Variants in TANK observed in about 807,000 individuals in gnomAD.
TANK encodes TRAF family member-associated NF-kappa-B activator.
In TANK, 15 loss-of-function variants were observed where a neutral mutation model predicts 43.6. The observed-to-expected ratio is 0.34, with a 90% CI of 0.23 to 0.53. The LOEUF is 0.53. TANK is among the 20% of genes least tolerant of loss of function. The probability of loss-of-function intolerance (pLI) is 0.94; values close to 1 mark genes in which losing one functional copy is unlikely to be tolerated. For synonymous variants in TANK, 162 were observed against 178.2 expected (o/e 0.91, Z 0.73); for missense variants, 417 against 498.6 (o/e 0.84, Z 1.56).
intron 4 of TANK, among the ~76,000 whole-genome samples, chr2:161,221,907 A>G (rs1419978416): frequency 6.6e-6 from 1 of 152,140 alleles, no homozygotes; most frequent in African/African-American, 2.4e-5. Context: ...CTTAGTTTAG[A>G]TACGTCATAG....
intron 1 of TANK, among the ~76,000 whole-genome samples, chr2:161,173,742 CTG>C (rs1685056273): frequency 6.6e-6 from 1 of 152,084 alleles, no homozygotes; most frequent in Non-Finnish European, 1.5e-5. Context: ...AAGACCATGA[CTG>C]TTTTTCACTT....
Position 161,207,041 on chromosome 2 carries a change from T to C in TANK, c.327+2248T>C, listed in dbSNP as rs549971314. On this transcript the variant is annotated intron_variant, in intron 4 of 7. Coordinates refer to ENST00000392749, the MANE Select transcript of TANK (RefSeq NM_001199135.3). ...TTTTGTTTTTTTTAATTTGGATAAT[T>C]TGTTATTTATGCAAGTTTTAGAGTT... 1.8e-3 allele frequency among the ~76,000 whole-genome samples: 278 copies of C among 152,184 alleles called. 1 individual carries two copies. The highest frequency in any genetic ancestry group is 6.4e-3 in the African/African-American group (265 of 41,560).
At chr2:161,232,601 G>A in intron 7 of TANK, 1 of 1,059,100 alleles carries the variant, frequency 9.4e-7, no homozygotes, top group South Asian at 2.3e-5. Flanking sequence ...CTCAGTTATA[G>A]TTGCTACTAA....
At position 161,207,643 on chromosome 2, in the gene TANK, C is replaced by T. The variant is rs1686708245; in HGVS notation, c.327+2850C>T. On this transcript the variant is annotated intron_variant, in intron 4 of 7. Coordinates refer to ENST00000392749, the MANE Select transcript of TANK (RefSeq NM_001199135.3). ...GCCTATGTTAGAAAAAATACTGGCC[C>T]ATCAAGCAATGGAAATTAAAATATG... The T allele has an allele frequency of 4.1e-6, 4 of 985,248 alleles. No individual in the cohort carries two copies. The South Asian group carries it at 1.4e-4, about 35-fold the overall frequency. The allele number at this position is 985,248 out of a possible 1,614,324, so 61.0% of individuals were successfully genotyped here.
intron 1 of TANK, among the ~76,000 whole-genome samples, chr2:161,174,243 A>G (rs376385361): frequency 2.6e-5 from 4 of 151,914 alleles, no homozygotes; most frequent in African/African-American, 7.3e-5. Flanking sequence ...TAAAGGCTGT[A>G]TTTTTTTTCA....
intron 2 of TANK, among the ~76,000 whole-genome samples, chr2:161,198,420 C>G (rs1686253236): frequency 6.6e-6 from 1 of 152,196 alleles, no homozygotes; most frequent in African/African-American, 2.4e-5. Context: ...AGTTGCATGC[C>G]TTTGGGTCTC....
chr2:161,183,959 G>A (rs571141427), intron 2 of TANK, among the ~76,000 whole-genome samples: 11 of 152,082 alleles, frequency 7.2e-5, no homozygotes, highest in Non-Finnish European at 1.5e-4. Flanking sequence ...GATCAGTATA[G>A]GATAATACAT....
At chr2:161,211,775 A>G (rs1303811303) in intron 4 of TANK, 12 of 985,238 alleles carry the variant, frequency 1.2e-5, no homozygotes, top group East Asian at 1.1e-4. Context: ...GCACAGGCCA[A>G]TGTAGGCTGG....
At chr2:161,165,601 C>A (rs1684642524) in intron 1 of TANK, among the ~76,000 whole-genome samples, 1 of 152,174 alleles carries the variant, frequency 6.6e-6, no homozygotes, top group Admixed American at 6.5e-5. Flanking sequence ...GATTGTAATA[C>A]ATGTTCCTTC....
At chr2:161,140,672 A>G (rs1683720588) in intron 1 of TANK, among the ~76,000 whole-genome samples, 1 of 152,106 alleles carries the variant, frequency 6.6e-6, no homozygotes, top group East Asian at 1.9e-4. Flanking sequence ...TTTTATAATG[A>G]AAATATTTAA....
intron 4 of TANK, chr2:161,216,536 A>G (rs1687124272): frequency 5.4e-6 from 2 of 370,570 alleles, no homozygotes; most frequent in Non-Finnish European, 1.1e-5. Context: ...CCCCTTTGAC[A>G]TGAAGAATAT....
rs772812260 is a variant in TANK at position 161,222,615 on chromosome 2, CTG to C, written c.328-1297_328-1296del. On this transcript the variant is annotated intron_variant, in intron 4 of 7. Transcript: ENST00000392749. ...CTTGTCTACCACTTTTAAAAACAAA[CTG>C]TGAATGTGAAAATATCTTCTGATGT... Among the ~76,000 whole-genome samples the C allele has an allele frequency of 2.4e-4, 37 of 152,134 alleles. No homozygotes were observed. In the East Asian group the frequency reaches 6.9e-3, roughly 29 times the overall value.
chr2:161,168,922 A>G (rs1422460108), intron 1 of TANK, among the ~76,000 whole-genome samples: 3 of 152,204 alleles, frequency 2.0e-5, no homozygotes, highest in Non-Finnish European at 2.9e-5. Context: ...TCTGAGGAAA[A>G]ATTACTTCCA....
chr2:161,156,953 C>T (rs1243252849), upstream of TANK, among the ~76,000 whole-genome samples: 1 of 152,162 alleles, frequency 6.6e-6, no homozygotes, highest in East Asian at 1.9e-4. Flanking sequence ...TTATTAGTTT[C>T]CTAAGCTTGG....
intron 1 of TANK, chr2:161,138,031 T>C (rs199859747): frequency 3.7e-6 from 2 of 536,806 alleles, no homozygotes; most frequent in African/African-American, 3.6e-5. Flanking sequence ...AAAAAGCACA[T>C]GATAGTGAAT....
At chr2:161,143,959 G>A (rs982689645) in intron 1 of TANK, among the ~76,000 whole-genome samples, 1 of 152,014 alleles carries the variant, frequency 6.6e-6, no homozygotes, top group African/African-American at 2.4e-5. Flanking sequence ...TTTGTTGGTT[G>A]GTAGGGTATT....
intron 1 of TANK, among the ~76,000 whole-genome samples, chr2:161,178,466 A>C (rs1311018021): frequency 6.8e-6 from 1 of 147,042 alleles, no homozygotes; most frequent in African/African-American, 2.5e-5. Context: ...CGTAGAGACA[A>C]AAAAAAAAAA....
intron 4 of TANK, among the ~76,000 whole-genome samples, chr2:161,213,775 T>C (rs1204444779): frequency 1.3e-5 from 2 of 151,988 alleles, no homozygotes; most frequent in Non-Finnish European, 2.9e-5. Flanking sequence ...AAGAGTATTT[T>C]AATAGCTTTT....
chr2:161,230,042 T>G (rs1687830475), intron 6 of TANK, among the ~76,000 whole-genome samples: 1 of 152,214 alleles, frequency 6.6e-6, no homozygotes, highest in Non-Finnish European at 1.5e-5. Flanking sequence ...TCCTATGCTT[T>G]TAGCTCTTGT....
Sources: gnomAD v4.1 joint callset for allele counts (sites outside exome capture counted in the v4.1 genomes callset) on GRCh38, gnomAD v4.1.1 for gene constraint, MANE v1.5 for transcripts, NCBI Gene and HGNC (gene_info 2026-07-23, HGNC 2026-07-21) for gene names.